The following FBXO22 variants were observed in gnomAD, a reference collection of about 807,000 sequenced individuals.
The protein encoded by FBXO22 is F-box protein 22.
In FBXO22, 13 loss-of-function variants were observed where a neutral mutation model predicts 37.2. The observed-to-expected ratio is 0.35, with a 90% CI of 0.23 to 0.56. The LOEUF is 0.56. Ranked by LOEUF, FBXO22 falls within the 20% of genes least tolerant of loss-of-function variation. The pLI, the probability that FBXO22 is intolerant of heterozygous loss-of-function variation, is 0.87. For missense variants in FBXO22, 446 were observed against 509.9 expected, an observed-to-expected ratio of 0.87 and a Z score of 1.21; for synonymous variants, 189 against 189.1, an observed-to-expected ratio of 1.00 and a Z score of 0.00.
At chr15:75,924,783 T>C (rs1367424962) in intron 5 of FBXO22, among the ~76,000 whole-genome samples, 1 of 152,164 alleles carries the variant, frequency 6.6e-6, no homozygotes, top group African/African-American at 2.4e-5. Flanking sequence ...GGACTTCAGC[T>C]TGAGAGCCAG....
At chr15:75,928,620 ATAAC>A (rs2029888212) in intron 5 of FBXO22, among the ~76,000 whole-genome samples, 1 of 152,222 alleles carries the variant, frequency 6.6e-6, no homozygotes, top group Non-Finnish European at 1.5e-5. Flanking sequence ...ATCAGGAAAA[ATAAC>A]TAATGGAGAA....
At chr15:75,922,860 T>C (rs998095254) in intron 5 of FBXO22, among the ~76,000 whole-genome samples, 1 of 152,072 alleles carries the variant, frequency 6.6e-6, no homozygotes, top group Non-Finnish European at 1.5e-5. Context: ...GTAATTACTT[T>C]TGAGTTTTGA....
chr15:75,913,120 G>T, intron 2 of FBXO22, 83 bp from the exon 3 acceptor site: 1 of 849,030 alleles, frequency 1.2e-6, no homozygotes, highest in Non-Finnish European at 1.9e-6. Context: ...TTGCACTATG[G>T]ACTGGGTGAT....
At chr15:75,917,152 G>T in intron 4 of FBXO22, 78 bp from the exon 5 acceptor site, 3 of 1,043,486 alleles carry the variant, frequency 2.9e-6, no homozygotes, top group South Asian at 3.1e-5. Context: ...TTAGCTTAAT[G>T]ATTATCTTAG....
chr15:75,912,655 CTCTTT>C (rs1314290964), intron 2 of FBXO22, among the ~76,000 whole-genome samples: 3 of 151,952 alleles, frequency 2.0e-5, no homozygotes, highest in African/African-American at 7.3e-5. Flanking sequence ...TGATTCTTTC[CTCTTT>C]TCTTTTTTGT....
intron 2 of FBXO22, among the ~76,000 whole-genome samples, chr15:75,907,610 A>G (rs750951174): frequency 1.7e-4 from 26 of 152,218 alleles, no homozygotes; most frequent in Middle Eastern, 3.4e-3. Context: ...AATATTTTAA[A>G]GTCCGCCAGG....
rs2141741086 is a variant in FBXO22 at position 75,939,264 on chromosome 15, C to G, written c.*6162C>G. On this transcript the variant is annotated 3_prime_UTR_variant, in exon 7 of 7. Coordinates refer to ENST00000308275, the MANE Select transcript of FBXO22 (RefSeq NM_147188.3). Reference sequence around the variant, plus strand: ...AATAAATGAAAATGGGAACAGCACTCTAGATTCTAGAAAAATGAAAAGGGT... The same window carrying G: ...AATAAATGAAAATGGGAACAGCACTGTAGATTCTAGAAAAATGAAAAGGGT... 1 of 152,092 alleles carries G rather than the reference C, an allele frequency of 6.6e-6. No individual in the cohort carries two copies. The highest frequency in any genetic ancestry group is 2.1e-4 in the South Asian group (1 of 4,824). 9.4% of individuals were successfully genotyped at this position (152,092 alleles called of 1,614,324 possible).
chr15:75,932,867 G>C lies in FBXO22; in HGVS notation c.977G>C (p.Cys326Ser). The part of the protein sequence containing the change: ...EHNTIGFMFA[C>S]VGRGFQYYRA... ...AACACCATTGGCTTCATGTTTGCAT[G>C]CGTTGGCAGGGGCTTTCAGTATTAC... The change falls in exon 7 of 7, where the codon TGC becomes TCC. Residue 326 changes from cysteine (C) to serine (S), a missense_variant. Physicochemically the swap from Cys to Ser is moderately radical, Grantham distance 112. Transcript: ENST00000308275. 1 of 1,614,248 alleles carries C rather than the reference G, an allele frequency of 6.2e-7. No individual in the cohort carries two copies. Among genetic ancestry groups the C allele is most frequent in the South Asian group, 1.1e-5 (1 of 91,084 alleles).
Position 75,932,785 on chromosome 15 carries a change from G to A in FBXO22, c.895G>A (p.Glu299Lys). ...GCTCCTCAACGAGGACGTCAGTGAT[G>A]AGAAGACTGCTGAGGCTGCGATGCA... ...TVLLNEDVSD[E>K]KTAEAAMQRL... The change falls in exon 7 of 7, where the codon GAG becomes AAG. Residue 299 changes from glutamate (E) to lysine (K), a missense_variant. Physicochemically the swap from Glu to Lys is moderately conservative, Grantham distance 56. Coordinates refer to ENST00000308275, the MANE Select transcript of FBXO22 (RefSeq NM_147188.3). 1.2e-6 allele frequency: 2 copies of A among 1,614,250 alleles called. No homozygotes were observed. The highest frequency in any genetic ancestry group is 1.7e-6 in the Non-Finnish European group (2 of 1,180,044).
At chr15:75,930,775 C>T in intron 6 of FBXO22, 1 of 985,432 alleles carries the variant, frequency 1.0e-6, no homozygotes, top group South Asian at 4.7e-5. Context: ...GACCCTACCC[C>T]ACCCTCAATG....
intron 2 of FBXO22, among the ~76,000 whole-genome samples, chr15:75,907,995 C>T (rs1899966405): frequency 6.6e-6 from 1 of 151,986 alleles, no homozygotes; most frequent in Admixed American, 6.6e-5. Context: ...AAACAGCTTG[C>T]CATTTGTAAC....
chr15:75,917,218 CT>C lies in FBXO22; in HGVS notation c.464-7del. Reference sequence around the variant, plus strand: ...TGACTCTATTGGTGAAACTGTTTAACTTTTTCTCTAGTGACTCCAATGGGAT... The same window carrying C: ...TGACTCTATTGGTGAAACTGTTTAACTTTTCTCTAGTGACTCCAATGGGAT... On this transcript the variant is annotated splice_polypyrimidine_tract_variant and intron_variant, in intron 4 of 6. Coordinates refer to ENST00000308275, the MANE Select transcript of FBXO22 (RefSeq NM_147188.3). 1 of 1,599,744 alleles carries C rather than the reference CT, an allele frequency of 6.3e-7. No individual in the cohort carries two copies. The highest frequency in any genetic ancestry group is 8.5e-7 in the Non-Finnish European group (1 of 1,175,152).
intron 3 of FBXO22, 83 bp from the exon 4 acceptor site, chr15:75,914,027 C>A: frequency 1.1e-6 from 1 of 908,028 alleles, no homozygotes; most frequent in Non-Finnish European, 1.7e-6. Context: ...TAAATATTTC[C>A]AGTATTTGCT....
At chr15:75,908,514 C>T (rs1004770751) in intron 2 of FBXO22, among the ~76,000 whole-genome samples, 7 of 152,280 alleles carry the variant, frequency 4.6e-5, no homozygotes, top group Admixed American at 3.9e-4. Flanking sequence ...AGGCAATCCA[C>T]CCACCGTGGC....
chr15:75,926,394 TAAA>T (rs1900441259), intron 5 of FBXO22, among the ~76,000 whole-genome samples: 1 of 152,236 alleles, frequency 6.6e-6, no homozygotes, highest in Admixed American at 6.5e-5. Context: ...GTCTGTTGGT[TAAA>T]TACAGAGCCA....
chr15:75,914,221 A>G lies in FBXO22; in HGVS notation c.463+16A>G. ...GGAATTGTAGGTGAGATAAATTAGC[A>G]ACTTGATGATTTCTTCCTTGCATTA... On this transcript the variant is annotated intron_variant, in intron 4 of 6. Transcript: ENST00000308275. 1.3e-6 allele frequency: 2 copies of G among 1,576,738 alleles called. No homozygotes were observed. Among genetic ancestry groups the G allele is most frequent in the Non-Finnish European group, 1.7e-6 (2 of 1,148,272 alleles).
chr15:75,929,516 T>TC (rs2029930724), intron 5 of FBXO22, among the ~76,000 whole-genome samples: 1 of 149,646 alleles, frequency 6.7e-6, no homozygotes, highest in Non-Finnish European at 1.5e-5. Flanking sequence ...AAACCAGTGT[T>TC]TTTTTTTTTT....
At chr15:75,925,915 G>T (rs1442583460) in intron 5 of FBXO22, among the ~76,000 whole-genome samples, 1 of 152,128 alleles carries the variant, frequency 6.6e-6, no homozygotes, top group African/African-American at 2.4e-5. Flanking sequence ...TTACTGGCAA[G>T]AACAGTTTCA....
chr15:75,929,261 T>C (rs2029920693), intron 5 of FBXO22, among the ~76,000 whole-genome samples: 1 of 151,622 alleles, frequency 6.6e-6, no homozygotes, highest in African/African-American at 2.4e-5. Context: ...ATAGACCAGA[T>C]GATTTAATCT....
Sources: allele counts gnomAD v4.1 joint callset (sites outside exome capture counted in the v4.1 genomes callset), GRCh38; gene constraint gnomAD v4.1.1; transcripts MANE v1.5; gene names NCBI Gene and HGNC (gene_info 2026-07-23, HGNC 2026-07-21).